CFAP96: variants seen among roughly 807,000 people sequenced by gnomAD.
CFAP96 encodes the protein cilia-and flagella-associated protein 96.
chr4:185,441,946 T>TA, the CFAP96 span, among the ~76,000 whole-genome samples: 3 of 152,112 alleles, frequency 2.0e-5, no homozygotes. Context: ...AACTGATTTT[T>TA]AAAAAATCAA....
At chr4:185,411,069 A>G in the CFAP96 span, among the ~76,000 whole-genome samples, 1 of 151,820 alleles carries the variant, frequency 6.6e-6, no homozygotes, top group African/African-American at 2.4e-5. Flanking sequence ...AGCAAAAATT[A>G]ATAAAATCAA....
the CFAP96 span, among the ~76,000 whole-genome samples, chr4:185,423,451 C>T: frequency 6.6e-6 from 1 of 152,048 alleles, no homozygotes; most frequent in Non-Finnish European, 1.5e-5. Flanking sequence ...TATTCATAGG[C>T]TTGATCTAGT....
At chr4:185,425,632 CA>C in the CFAP96 span, among the ~76,000 whole-genome samples, 1 of 152,228 alleles carries the variant, frequency 6.6e-6, no homozygotes, top group African/African-American at 2.4e-5. Flanking sequence ...AGAGAAGTAG[CA>C]GGGGGTGCGT....
chr4:185,431,769 C>T, the CFAP96 span, among the ~76,000 whole-genome samples: 5 of 152,158 alleles, frequency 3.3e-5, no homozygotes, highest in Non-Finnish European at 7.3e-5. Flanking sequence ...TAAGCAAGAC[C>T]TTACATATTA....
At chr4:185,413,627 T>G in the CFAP96 span, 2 of 1,132,458 alleles carry the variant, frequency 1.8e-6, no homozygotes, top group Non-Finnish European at 1.2e-6. Context: ...GTTTTAGGAA[T>G]GAATACATAA....
At chr4:185,421,299 C>G in the CFAP96 span, among the ~76,000 whole-genome samples, 2 of 152,216 alleles carry the variant, frequency 1.3e-5, no homozygotes, top group Non-Finnish European at 2.9e-5. Context: ...CAGCTGCAAT[C>G]TCCTTCAAGG....
the CFAP96 span, chr4:185,432,264 T>C: frequency 7.8e-7 from 1 of 1,275,330 alleles, no homozygotes; most frequent in Admixed American, 2.6e-5. Context: ...AAATTAAATA[T>C]TTGTTTTTCT....
chr4:185,442,792 T>C, the CFAP96 span, among the ~76,000 whole-genome samples: 2 of 152,176 alleles, frequency 1.3e-5, no homozygotes, highest in South Asian at 2.1e-4. Context: ...TATCAAATGG[T>C]GTAATCTATT....
At chr4:185,413,889 T>A in the CFAP96 span, 3 of 1,570,368 alleles carry the variant, frequency 1.9e-6, no homozygotes, top group Admixed American at 2.0e-5. Context: ...TAAATCAGAA[T>A]CAACAGAAAA....
At chr4:185,418,651 T>C in the CFAP96 span, 1 of 1,614,048 alleles carries the variant, frequency 6.2e-7, no homozygotes, top group Admixed American at 1.7e-5. Flanking sequence ...ATGGTGTTTA[T>C]GTCACTGCTA....
chr4:185,447,328 C>A, the CFAP96 span, among the ~76,000 whole-genome samples: 1 of 152,054 alleles, frequency 6.6e-6, no homozygotes, highest in Non-Finnish European at 1.5e-5. Flanking sequence ...ACTACAGGCG[C>A]CCGCCACCAC....
the CFAP96 span, chr4:185,440,861 A>G: frequency 5.5e-6 from 1 of 181,410 alleles, no homozygotes; most frequent in Non-Finnish European, 1.1e-5. Flanking sequence ...TTTTTACAAA[A>G]TTACATGAAA....
the CFAP96 span, among the ~76,000 whole-genome samples, chr4:185,425,418 G>C: frequency 6.6e-6 from 1 of 152,134 alleles, no homozygotes; most frequent in Non-Finnish European, 1.5e-5. Flanking sequence ...AACGCATAGG[G>C]TGTAAAGCGT....
the CFAP96 span, among the ~76,000 whole-genome samples, chr4:185,441,419 C>T: frequency 2.6e-5 from 4 of 151,034 alleles, no homozygotes; most frequent in East Asian, 5.8e-4. Context: ...GGGTACTAGT[C>T]TTGTTTTGTT....
chr4:185,430,959 C>T, the CFAP96 span, among the ~76,000 whole-genome samples: 1 of 151,908 alleles, frequency 6.6e-6, no homozygotes, highest in Admixed American at 6.6e-5. Context: ...CGCCTGTAAT[C>T]CCAGCACTTT....
chr4:185,443,342 A>ATATTTTTTTT, the CFAP96 span, among the ~76,000 whole-genome samples: 16 of 26,726 alleles, frequency 6.0e-4, no homozygotes, highest in African/African-American at 1.3e-3. Context: ...ATATATATAT[A>ATATTTTTTTT]TTTTTTTTTT....
chr4:185,433,880 C>T, the CFAP96 span, among the ~76,000 whole-genome samples: 3 of 151,548 alleles, frequency 2.0e-5, no homozygotes, highest in South Asian at 2.1e-4. Flanking sequence ...CCAGCCTGGG[C>T]GACAGAGACT....
chr4:185,429,423 A>C, the CFAP96 span: 1 of 1,534,724 alleles, frequency 6.5e-7, no homozygotes, highest in Non-Finnish European at 8.8e-7. Context: ...TGCCTGCGGA[A>C]GGAGGAAAAA....
the CFAP96 span, chr4:185,440,619 C>T: frequency 6.5e-7 from 1 of 1,533,054 alleles, no homozygotes. Context: ...TATTTTGACG[C>T]TAATCCTTAT....
Sources: gnomAD v4.1 joint callset for allele counts (sites outside exome capture counted in the v4.1 genomes callset) on GRCh38, gnomAD v4.1.1 for gene constraint, MANE v1.5 for transcripts, NCBI Gene and HGNC (gene_info 2026-07-23, HGNC 2026-07-21) for gene names.